Variants in THEMIS observed in about 807,000 individuals in gnomAD.
The protein encoded by THEMIS is thymocyte selection associated.
THEMIS carries 37 observed loss-of-function variants against 52.6 expected under a neutral mutation model. The ratio of observed to expected loss-of-function variants is 0.70; its 90% CI spans 0.54 to 0.93. THEMIS has a LOEUF of 0.93. Ranked by LOEUF, THEMIS falls within the 40% of genes least tolerant of loss-of-function variation. The probability of loss-of-function intolerance (pLI) is 0.00; values close to 1 mark genes in which losing one functional copy is unlikely to be tolerated. For missense variants in THEMIS, 808 were observed against 763.1 expected, an observed-to-expected ratio of 1.06 and a Z score of -0.69; for synonymous variants, 292 against 272.7, an observed-to-expected ratio of 1.07 and a Z score of -0.70.
intron 1 of THEMIS, chr6:127,910,098 C>T (rs956170086): frequency 6.6e-6 from 1 of 152,084 alleles, no homozygotes; most frequent in Non-Finnish European, 1.5e-5. Flanking sequence ...TATAGATTCA[C>T]TTTATAGAAA....
chr6:127,878,794 C>A (rs1167842716), intron 1 of THEMIS, among the ~76,000 whole-genome samples: 1 of 152,120 alleles, frequency 6.6e-6, no homozygotes, highest in South Asian at 2.1e-4. Flanking sequence ...ATGATGCTTT[C>A]TTGAATAATT....
chr6:127,834,320 C>T (rs910907486), intron 2 of THEMIS, among the ~76,000 whole-genome samples: 1 of 150,742 alleles, frequency 6.6e-6, no homozygotes, highest in Non-Finnish European at 1.5e-5. Flanking sequence ...CCTGTAATCC[C>T]AGTACTTTGG....
intron 3 of THEMIS, among the ~76,000 whole-genome samples, chr6:127,814,415 T>C (rs1004999311): frequency 1.3e-5 from 2 of 152,212 alleles, no homozygotes; most frequent in Non-Finnish European, 1.5e-5. Context: ...TATCAAATTA[T>C]CATAGAAGAC....
intron 4 of THEMIS, among the ~76,000 whole-genome samples, chr6:127,747,129 A>T (rs867650738): frequency 9.5e-4 from 122 of 127,992 alleles, no homozygotes; most frequent in African/African-American, 3.5e-3. Flanking sequence ...TAATTATATT[A>T]TATATAATTG....
At chr6:127,896,297 C>T (rs1282086669) in intron 1 of THEMIS, among the ~76,000 whole-genome samples, 6 of 150,228 alleles carry the variant, frequency 4.0e-5, no homozygotes, top group African/African-American at 9.7e-5. Flanking sequence ...ACAGACAATG[C>T]AAATGTACAC....
intron 1 of THEMIS, among the ~76,000 whole-genome samples, chr6:127,895,466 C>T (rs945422654): frequency 6.6e-6 from 1 of 151,460 alleles, no homozygotes; most frequent in African/African-American, 2.4e-5. Context: ...TCGTATTTAA[C>T]TGCATTTCTT....
At chr6:127,798,693 T>C (rs1193792613) in intron 4 of THEMIS, among the ~76,000 whole-genome samples, 3 of 152,054 alleles carry the variant, frequency 2.0e-5, no homozygotes, top group Non-Finnish European at 4.4e-5. Context: ...AAAATTCCAA[T>C]TGAAAAATTA....
intron 4 of THEMIS, among the ~76,000 whole-genome samples, chr6:127,786,527 A>G (rs2114504151): frequency 6.6e-6 from 1 of 152,344 alleles, no homozygotes; most frequent in East Asian, 1.9e-4. Context: ...TTGGTTGAGT[A>G]TTCATTAGGT....
upstream of THEMIS, among the ~76,000 whole-genome samples, chr6:127,902,757 C>A (rs1453838456): frequency 6.6e-6 from 1 of 152,014 alleles, no homozygotes; most frequent in Non-Finnish European, 1.5e-5. Context: ...TTCCATACCC[C>A]TCCCCACAGT....
At chr6:127,915,848 G>A (rs956480349) in intron 1 of THEMIS, among the ~76,000 whole-genome samples, 10 of 152,076 alleles carry the variant, frequency 6.6e-5, no homozygotes, top group African/African-American at 1.9e-4. Context: ...TTAGTCAGGC[G>A]TGGTGGCACA....
At chr6:127,735,455 G>A (rs989040819) in intron 4 of THEMIS, among the ~76,000 whole-genome samples, 10 of 152,130 alleles carry the variant, frequency 6.6e-5, no homozygotes, top group Non-Finnish European at 1.3e-4. Flanking sequence ...AGAATCCATA[G>A]TTAGCAGATG....
At chr6:127,729,561 T>G (rs1264900851) in intron 4 of THEMIS, among the ~76,000 whole-genome samples, 1 of 152,158 alleles carries the variant, frequency 6.6e-6, no homozygotes, top group Admixed American at 6.5e-5. Flanking sequence ...TCACAAAATG[T>G]CCAGTCCTTT....
At chr6:127,800,590 G>A (rs1336638723) in intron 4 of THEMIS, among the ~76,000 whole-genome samples, 1 of 152,196 alleles carries the variant, frequency 6.6e-6, no homozygotes, top group African/African-American at 2.4e-5. Flanking sequence ...TTCATTCTGG[G>A]TGTGTCTGTG....
chr6:127,821,778 G>A (rs1227994757), intron 3 of THEMIS, among the ~76,000 whole-genome samples: 1 of 151,824 alleles, frequency 6.6e-6, no homozygotes, highest in Admixed American at 6.6e-5. Context: ...GTTGGTGATG[G>A]GCAACATATG....
chr6:127,758,636 TAAA>T (rs1169731518), intron 4 of THEMIS, among the ~76,000 whole-genome samples: 2 of 151,752 alleles, frequency 1.3e-5, no homozygotes, highest in Non-Finnish European at 2.9e-5. Flanking sequence ...TTGAAAAAAG[TAAA>T]AGATCTTTCA....
intron 2 of THEMIS, among the ~76,000 whole-genome samples, chr6:127,849,226 A>G (rs952543216): frequency 6.6e-6 from 1 of 152,008 alleles, no homozygotes; most frequent in Non-Finnish European, 1.5e-5. Context: ...GTCAAAGATC[A>G]GATAGTTGTA....
At chr6:127,915,607 A>AGAGAGAGAGG (rs1284607183) in intron 1 of THEMIS, among the ~76,000 whole-genome samples, 2 of 150,866 alleles carry the variant, frequency 1.3e-5, no homozygotes, top group African/African-American at 4.9e-5. Context: ...AGAGAGAGAG[A>AGAGAGAGAGG]GAGAGAGAGA....
chr6:127,733,123 T>G (rs1480218435), intron 4 of THEMIS, among the ~76,000 whole-genome samples: 1 of 152,248 alleles, frequency 6.6e-6, no homozygotes, highest in African/African-American at 2.4e-5. Flanking sequence ...TCATTGGAAG[T>G]ACTTATTGTG....
chr6:127,791,637 T>C (rs1315168934), intron 4 of THEMIS, among the ~76,000 whole-genome samples: 2 of 152,162 alleles, frequency 1.3e-5, no homozygotes, highest in Non-Finnish European at 2.9e-5. Context: ...GGAGCCTGTT[T>C]GCATCCTACC....
Sources: gnomAD v4.1 joint callset for allele counts (sites outside exome capture counted in the v4.1 genomes callset) on GRCh38, gnomAD v4.1.1 for gene constraint, MANE v1.5 for transcripts, NCBI Gene and HGNC (gene_info 2026-07-23, HGNC 2026-07-21) for gene names.